The following NUP153 variants were observed in gnomAD, a reference collection of about 807,000 sequenced individuals.
NUP153 encodes the protein nuclear pore complex protein Nup153.
Under a neutral mutation model 134.6 loss-of-function variants are expected in NUP153, and 27 were observed. The observed-to-expected ratio is 0.20, with a 90% CI of 0.15 to 0.28. The LOEUF is 0.28. Among genes scored for constraint, NUP153 ranks in the 10% least tolerant of loss-of-function variants. NUP153 has a pLI of 1.00. For missense variants in NUP153, 1,821 were observed against 1,731.3 expected, an observed-to-expected ratio of 1.05 and a Z score of -0.92; for synonymous variants, 640 against 623.5, an observed-to-expected ratio of 1.03 and a Z score of -0.40.
chr6:17,694,075 G>A lies in NUP153; in HGVS notation c.112-5457C>T, dbSNP rs77508340. On this transcript the variant is annotated intron_variant, in intron 1 of 21. Coordinates refer to ENST00000262077, the MANE Select transcript of NUP153 (RefSeq NM_005124.4). ...TTCCACCTACTTTATTGATAGCACT[G>A]AATCACCATATTATATGTTTATGCG... 6.0e-3 allele frequency among the ~76,000 whole-genome samples: 914 copies of A among 151,914 alleles called. 10 individuals carry two copies. The highest frequency in any genetic ancestry group is 0.021 in the African/African-American group (861 of 41,374).
At position 17,638,918 on chromosome 6, in the gene NUP153, A is replaced by T. The variant is rs529528754; in HGVS notation, c.1846+1021T>A. On this transcript the variant is annotated intron_variant, in intron 15 of 21. Transcript: ENST00000262077. The surrounding 1 kb of genome is among the most constrained non-coding windows in gnomAD (Gnocchi z 4.0). ...ATCTATAAAATGAGAGAGCTGGACC[A>T]GAAAAATTGAATCCTCCTAAATCCT... Among the ~76,000 whole-genome samples the T allele has an allele frequency of 9.2e-5, 14 of 152,358 alleles. No individual in the cohort carries two copies. Among genetic ancestry groups the T allele is most frequent in the Middle Eastern group, 6.8e-3 (2 of 294 alleles).
intron 11 of NUP153, among the ~76,000 whole-genome samples, chr6:17,654,039 T>C (rs1035398395): frequency 2.6e-5 from 4 of 152,240 alleles, no homozygotes; most frequent in Non-Finnish European, 5.9e-5. Flanking sequence ...TTTTTCTTTT[T>C]TGATAAAGCA....
At position 17,649,179 on chromosome 6, in the gene NUP153, T is replaced by A; in HGVS notation, c.1517A>T (p.Gln506Leu). 6.2e-7 allele frequency: 1 copy of A among 1,613,418 alleles called. No homozygotes were observed. The stretch of plus-strand genomic sequence containing the variant: ...GTTTTGTACCTTGTTTGTTAATGCT[T>A]GAGACGAATTGATGGGTGATGGAGA... ...TSSPSPINSS[Q>L]ALTNKVQMTS... Residue 506 changes from glutamine (Q) to leucine (L), a missense_variant, in exon 12 of 22, where the codon CAA (glutamine) becomes CTA (leucine). Coordinates refer to ENST00000262077, the MANE Select transcript of NUP153 (RefSeq NM_005124.4).
chr6:17,617,485 AAG>A (rs1764393223), intron 20 of NUP153, among the ~76,000 whole-genome samples: 3 of 151,360 alleles, frequency 2.0e-5, no homozygotes, highest in Admixed American at 1.3e-4. Flanking sequence ...AAAAAAAAAA[AAG>A]GATGGCAGAG....
intron 11 of NUP153, among the ~76,000 whole-genome samples, chr6:17,653,776 A>G (rs1479625645): frequency 6.6e-6 from 1 of 152,238 alleles, no homozygotes; most frequent in East Asian, 1.9e-4. Flanking sequence ...TGAAATTTCT[A>G]GGATGATAGA....
At chr6:17,699,190 T>A (rs115900163) in intron 1 of NUP153, among the ~76,000 whole-genome samples, 15 of 8,950 alleles carry the variant, frequency 1.7e-3, no homozygotes, top group African/African-American at 3.5e-3. Flanking sequence ...CTACAAATAA[T>A]TTTTTTTTTT....
chr6:17,622,882 G>A lies in NUP153; in HGVS notation c.4174+1679C>T, dbSNP rs575656752. Among the ~76,000 whole-genome samples, 5 of 152,270 alleles carry A rather than the reference G, an allele frequency of 3.3e-5. No homozygotes were observed. The South Asian group carries it at 1.0e-3, about 32-fold the overall frequency. On this transcript the variant is annotated intron_variant, in intron 20 of 21. Transcript: ENST00000262077. ...GTGGTGGCTCACACCTGTAATCCCA[G>A]CACTGTGGGAGGCCGAGGTGGGTGG...
rs768459428 is a variant in NUP153 at position 17,647,919 on chromosome 6, T to TTA, written c.1534-16_1534-15dup. ...GGTCATTTGTACCTGGTTTTCCAAATTATTAAGAAATGATACAAAAAGAGC... is the reference window on the plus strand; with the variant it reads ...GGTCATTTGTACCTGGTTTTCCAAATTATATTAAGAAATGATACAAAAAGAGC... On this transcript the variant is annotated splice_polypyrimidine_tract_variant and intron_variant, in intron 12 of 21. Transcript: ENST00000262077. 22 of 1,545,388 alleles carry TTA rather than the reference T, an allele frequency of 1.4e-5. No individual in the cohort carries two copies. In the East Asian group the frequency reaches 4.3e-4, roughly 30 times the overall value.
intron 20 of NUP153, among the ~76,000 whole-genome samples, chr6:17,620,615 C>T (rs1246702518): frequency 1.3e-5 from 2 of 152,182 alleles, no homozygotes; most frequent in Non-Finnish European, 2.9e-5. Flanking sequence ...ACATGTAGCC[C>T]AGGATGGCTC....
intron 17 of NUP153, among the ~76,000 whole-genome samples, chr6:17,630,340 T>C (rs976364674): frequency 1.3e-5 from 2 of 152,100 alleles, no homozygotes; most frequent in Admixed American, 6.6e-5. Context: ...AACAGAAGAA[T>C]TACAGAGTTG....
At position 17,668,069 on chromosome 6, in the gene NUP153, C is replaced by CTT. The variant is rs762142682; in HGVS notation, c.1068+904_1068+905dup. Among the ~76,000 whole-genome samples, 267 of 87,228 alleles carry CTT rather than the reference C, an allele frequency of 3.1e-3. 7 individuals are homozygous for CTT. Among genetic ancestry groups the CTT allele is most frequent in the African/African-American group, 9.7e-3 (210 of 21,610 alleles). The allele number at this position is 87,228 out of a possible 152,430, so 57.2% of individuals were successfully genotyped here. On this transcript the variant is annotated intron_variant, in intron 8 of 21. Transcript: ENST00000262077. ...GCAATGAGGACTTTAGTTTACTGAA[C>CTT]TTTTTTTTTTTTTTTTTTTTTTTTG... is the stretch of plus-strand genomic sequence containing the variant.
intron 11 of NUP153, among the ~76,000 whole-genome samples, chr6:17,650,939 A>C (rs1766465972): frequency 6.6e-6 from 1 of 151,828 alleles, no homozygotes; most frequent in African/African-American, 2.4e-5. Context: ...AGTAACATAA[A>C]GTAATCTGAA....
chr6:17,645,310 T>C (rs1215935960), intron 14 of NUP153, among the ~76,000 whole-genome samples: 1 of 152,038 alleles, frequency 6.6e-6, no homozygotes, highest in Non-Finnish European at 1.5e-5. Context: ...TTTCTTTTTT[T>C]TTGAGATAGG....
chr6:17,667,458 T>A (rs1767600299), intron 8 of NUP153, among the ~76,000 whole-genome samples: 1 of 152,228 alleles, frequency 6.6e-6, no homozygotes, highest in South Asian at 2.1e-4. Flanking sequence ...CTCACGCCTG[T>A]AATCCCAGCA....
intron 20 of NUP153, among the ~76,000 whole-genome samples, chr6:17,617,512 G>C (rs956909279): frequency 7.7e-5 from 11 of 143,312 alleles, no homozygotes; most frequent in African/African-American, 2.6e-4. Flanking sequence ...TTTAGAAGCA[G>C]ATACCCAGAA....
chr6:17,700,328 C>T (rs1173661291), intron 1 of NUP153, among the ~76,000 whole-genome samples: 1 of 152,150 alleles, frequency 6.6e-6, no homozygotes, highest in African/African-American at 2.4e-5. Context: ...TCCCATTTAA[C>T]CTCCACAACA....
At chr6:17,701,818 G>C (rs1314491694) in intron 1 of NUP153, among the ~76,000 whole-genome samples, 1 of 122,420 alleles carries the variant, frequency 8.2e-6, no homozygotes, top group Non-Finnish European at 1.7e-5. Context: ...GGGCAACAGA[G>C]CAAGACTCTG....
rs752750932 is a variant in NUP153 at position 17,637,763 on chromosome 6, T to C, written c.1854A>G (p.Ala618=). ...VLDILKSPGF[A]SPKIDSVAAQ... ...CAGCAACAGAATCTATCTTCGGCGA[T>C]GCGAAACCTACAATGAACGAAGGAG... The change falls in exon 16 of 22, where the codon GCA becomes GCG. Residue 618 remains alanine, a synonymous_variant. Coordinates refer to ENST00000262077, the MANE Select transcript of NUP153 (RefSeq NM_005124.4). The C allele has an allele frequency of 8.1e-6, 13 of 1,596,566 alleles. No homozygotes were observed. The highest frequency in any genetic ancestry group is 1.0e-5 in the Non-Finnish European group (12 of 1,176,682).
At chr6:17,637,825 A>T in intron 15 of NUP153, 55 bp from the exon 16 acceptor site, 1 of 1,513,762 alleles carries the variant, frequency 6.6e-7, no homozygotes, top group Non-Finnish European at 8.8e-7. Context: ...AAATCAAAGC[A>T]TTAATTTGAT....
Sources: allele counts gnomAD v4.1 joint callset (sites outside exome capture counted in the v4.1 genomes callset), GRCh38; gene constraint gnomAD v4.1.1; non-coding constraint Gnocchi (gnomAD v3.1); transcripts MANE v1.5; gene names NCBI Gene and HGNC (gene_info 2026-07-23, HGNC 2026-07-21).